RIMS1: variants seen among roughly 807,000 people sequenced by gnomAD.
RIMS1 encodes regulating synaptic membrane exocytosis 1, also known as regulating synaptic membrane exocytosis protein 1.
A neutral mutation model predicts 214.1 loss-of-function variants in RIMS1; 83 were observed. The ratio of observed to expected loss-of-function variants is 0.39; its 90% CI spans 0.32 to 0.47. The LOEUF (loss-of-function observed/expected upper bound fraction) is 0.47. Among genes scored for constraint, RIMS1 ranks in the 20% least tolerant of loss-of-function variants. The pLI is 0.99. For missense variants in RIMS1, 2,050 were observed against 2,161.8 expected (o/e 0.95, Z 1.03); for synonymous variants, 793 against 786.8 (o/e 1.01, Z -0.13).
intron 2 of RIMS1, among the ~76,000 whole-genome samples, chr6:72,020,890 AC>A (rs1448525801): frequency 1.3e-5 from 2 of 151,998 alleles, no homozygotes; most frequent in Admixed American, 6.6e-5. Flanking sequence ...CTGAAACTAA[AC>A]CCTGTTAGAA....
intron 19 of RIMS1, among the ~76,000 whole-genome samples, chr6:72,264,273 ACAGT>A (rs1429962794): frequency 1.3e-5 from 2 of 152,312 alleles, no homozygotes; most frequent in Admixed American, 6.5e-5. Context: ...CATGGCATAG[ACAGT>A]CCAGAAACCC....
chr6:71,900,544 G>A (rs1195462286), intron 1 of RIMS1, among the ~76,000 whole-genome samples: 2 of 152,094 alleles, frequency 1.3e-5, no homozygotes, highest in Admixed American at 1.3e-4. Flanking sequence ...AATCCAGGTG[G>A]CAGATGTTAG....
chr6:72,059,050 T>A (rs1317838748), intron 2 of RIMS1, among the ~76,000 whole-genome samples: 1 of 152,218 alleles, frequency 6.6e-6, no homozygotes, highest in Non-Finnish European at 1.5e-5. Context: ...CAGAACTATG[T>A]ATCTACTACC....
chr6:72,226,122 T>C (rs1369892151), intron 6 of RIMS1, among the ~76,000 whole-genome samples: 3 of 152,060 alleles, frequency 2.0e-5, no homozygotes, highest in African/African-American at 7.2e-5. Flanking sequence ...GGCACTAAGT[T>C]GTGTGCGCAT....
chr6:72,128,531 C>T (rs1454296020), intron 4 of RIMS1, among the ~76,000 whole-genome samples: 2 of 152,152 alleles, frequency 1.3e-5, no homozygotes, highest in Admixed American at 1.3e-4. Context: ...ACTAGCTAAC[C>T]ACGAGTGAGT....
chr6:71,980,155 C>T (rs1247193548), intron 2 of RIMS1, among the ~76,000 whole-genome samples: 7 of 152,008 alleles, frequency 4.6e-5, no homozygotes, highest in Non-Finnish European at 8.8e-5. Context: ...TGTGAAAAAA[C>T]AGGAAGCTTA....
intron 1 of RIMS1, among the ~76,000 whole-genome samples, chr6:71,921,080 C>T (rs1336931664): frequency 6.6e-6 from 1 of 152,148 alleles, no homozygotes; most frequent in African/African-American, 2.4e-5. Flanking sequence ...TCATTGAAGT[C>T]AGTGAGGTTG....
intron 29 of RIMS1, among the ~76,000 whole-genome samples, chr6:72,380,376 C>T (rs1479727190): frequency 1.3e-5 from 2 of 152,172 alleles, no homozygotes; most frequent in East Asian, 3.9e-4. Flanking sequence ...TGTACATGTA[C>T]CCTAGAACTT....
intron 6 of RIMS1, among the ~76,000 whole-genome samples, chr6:72,185,860 A>C (rs751525321): frequency 7.9e-5 from 12 of 152,188 alleles, no homozygotes; most frequent in African/African-American, 2.9e-4. Context: ...TGACATCCAG[A>C]GACAGCAAGG....
At chr6:72,070,441 TATC>T (rs1184931970) in intron 2 of RIMS1, among the ~76,000 whole-genome samples, 5 of 152,168 alleles carry the variant, frequency 3.3e-5, no homozygotes, top group African/African-American at 9.7e-5. Flanking sequence ...TTCAACAAAA[TATC>T]ATTATATGAT....
intron 2 of RIMS1, among the ~76,000 whole-genome samples, chr6:72,056,343 C>T (rs1246084024): frequency 2.0e-5 from 3 of 152,108 alleles, no homozygotes; most frequent in Non-Finnish European, 2.9e-5. Flanking sequence ...ACAAAATCAT[C>T]TGTATACCAA....
At chr6:71,930,840 A>T (rs1343554405) in intron 1 of RIMS1, among the ~76,000 whole-genome samples, 1 of 152,084 alleles carries the variant, frequency 6.6e-6, no homozygotes, top group Non-Finnish European at 1.5e-5. Flanking sequence ...GGTAAAGGTC[A>T]GGACTGGAAA....
At chr6:71,986,183 G>T (rs1799884066) in intron 2 of RIMS1, among the ~76,000 whole-genome samples, 1 of 110,912 alleles carries the variant, frequency 9.0e-6, no homozygotes, top group African/African-American at 3.5e-5. Flanking sequence ...TCACAACTTT[G>T]GGTTTTGTTT....
intron 10 of RIMS1, 87 bp from the exon 11 acceptor site, chr6:72,245,728 T>C: frequency 9.7e-7 from 1 of 1,027,934 alleles, no homozygotes; most frequent in South Asian, 1.3e-5. Flanking sequence ...CCCAGCAGGA[T>C]TTTTCACATC....
chr6:72,183,904 C>A (rs944020070), intron 6 of RIMS1, among the ~76,000 whole-genome samples: 55 of 151,964 alleles, frequency 3.6e-4, no homozygotes, highest in African/African-American at 1.1e-3. Flanking sequence ...ACCTTAAACA[C>A]ACACTTATAG....
intron 1 of RIMS1, among the ~76,000 whole-genome samples, chr6:71,951,888 C>G (rs1789694186): frequency 1.3e-5 from 2 of 152,086 alleles, no homozygotes; most frequent in Non-Finnish European, 2.9e-5. Flanking sequence ...CCCTGTTGCC[C>G]TACCACACTT....
intron 2 of RIMS1, among the ~76,000 whole-genome samples, chr6:71,992,610 C>CCTTCTT (rs34650202): frequency 1.4e-5 from 2 of 146,414 alleles, no homozygotes; most frequent in Admixed American, 1.4e-4. Flanking sequence ...TTCTCCTTCT[C>CCTTCTT]CTTCTTCTTC....
At chr6:72,020,522 T>C (rs1814283270) in intron 2 of RIMS1, among the ~76,000 whole-genome samples, 1 of 152,194 alleles carries the variant, frequency 6.6e-6, no homozygotes, top group African/African-American at 2.4e-5. Context: ...TCAGGGTCAC[T>C]GCCTCCTAGG....
At chr6:72,316,936 G>A in intron 28 of RIMS1, 1 of 681,152 alleles carries the variant, frequency 1.5e-6, no homozygotes, top group Non-Finnish European at 2.7e-6. Flanking sequence ...TCCTGCAGTA[G>A]AGTGGAGAGA....
Sources: allele counts gnomAD v4.1 joint callset (sites outside exome capture counted in the v4.1 genomes callset), GRCh38; gene constraint gnomAD v4.1.1; transcripts MANE v1.5; gene names NCBI Gene and HGNC (gene_info 2026-07-23, HGNC 2026-07-21).